SIMC1: variants seen among roughly 807,000 people sequenced by gnomAD.
The protein encoded by SIMC1 is SUMO-interacting motif-containing protein 1.
A neutral mutation model predicts 82.3 loss-of-function variants in SIMC1; 55 were observed. The ratio of observed to expected loss-of-function variants is 0.67; its 90% CI spans 0.54 to 0.84. The LOEUF is 0.84. SIMC1 is among the 40% of genes least tolerant of loss of function. The probability of loss-of-function intolerance (pLI) is 0.00; values close to 1 mark genes in which losing one functional copy is unlikely to be tolerated. For missense variants in SIMC1, 915 were observed against 1,107.2 expected, an observed-to-expected ratio of 0.83 and a Z score of 2.46; for synonymous variants, 353 against 426.3, an observed-to-expected ratio of 0.83 and a Z score of 2.12.
In SIMC1 at chr5:176,305,079, C is replaced by T. The variant is rs370611991; in HGVS notation, c.1735-8612C>T. On this transcript the variant is annotated intron_variant, in intron 4 of 9. Transcript: ENST00000429602. Reference sequence around the variant, plus strand: ...GAGCGTCTCCGCCCGGCAGCCACCCCGTCCGGGAGGGAGGTGGGGGGTCAG... The same window carrying T: ...GAGCGTCTCCGCCCGGCAGCCACCCTGTCCGGGAGGGAGGTGGGGGGTCAG... Among the ~76,000 whole-genome samples, 63 of 137,032 alleles carry T rather than the reference C, an allele frequency of 4.6e-4. No homozygotes were observed. The East Asian group carries it at 0.011, about 24-fold the overall frequency. The allele number at this position is 137,032 out of a possible 152,430, so 89.9% of individuals were successfully genotyped here. A position where few individuals can be genotyped will look rare whatever the true frequency, so the allele number is the denominator to read the frequency against.
At chr5:176,329,749 T>C (rs1425349650) in intron 7 of SIMC1, among the ~76,000 whole-genome samples, 1 of 152,220 alleles carries the variant, frequency 6.6e-6, no homozygotes, top group Admixed American at 6.5e-5. Context: ...AACGATTTTA[T>C]GTGTATTCTA....
At chr5:176,274,872 T>A (rs187348412) in intron 1 of SIMC1, among the ~76,000 whole-genome samples, 4 of 151,886 alleles carry the variant, frequency 2.6e-5, no homozygotes, top group African/African-American at 9.7e-5. Flanking sequence ...CTCTTTTGGT[T>A]ACTGTAGCCT....
rs1008372104 is a variant in SIMC1 at position 176,276,215 on chromosome 5, C to T, written c.130-13439C>T. 2.0e-4 allele frequency among the ~76,000 whole-genome samples: 30 copies of T among 151,592 alleles called. 2 individuals are homozygous for T. Among genetic ancestry groups the T allele is most frequent in the African/African-American group, 7.3e-4 (30 of 41,230 alleles). ...TTTAGTCTTAGGAGGGTGTATTTTT[C>T]AAGGAATTTATCCATTTCTTCTAGA... On this transcript the variant is annotated intron_variant, in intron 1 of 9. Transcript: ENST00000429602.
chr5:176,309,687 C>T (rs554989141), intron 4 of SIMC1, among the ~76,000 whole-genome samples: 2 of 152,302 alleles, frequency 1.3e-5, no homozygotes, highest in East Asian at 3.9e-4. Context: ...TGTAATCTCA[C>T]CACTTTGGGA....
rs540876896 is a variant in SIMC1, at chr5:176,278,924, GTC to G, written c.130-10726_130-10725del. On this transcript the variant is annotated intron_variant, in intron 1 of 9. Coordinates refer to ENST00000429602, the MANE Select transcript of SIMC1 (RefSeq NM_001308195.2). ...GTCTAAAAGTCTCTTTTTTGGTTGT[GTC>G]TCTGCCCGGCTTTGTTATCAGAATG... 5.8e-4 allele frequency among the ~76,000 whole-genome samples: 88 copies of G among 151,968 alleles called. 1 individual carries two copies. In the South Asian group the frequency reaches 0.017, roughly 30 times the overall value.
At chr5:176,291,030 C>T (rs952360559) in intron 2 of SIMC1, 75 bp downstream of exon 2, 1 of 866,606 alleles carries the variant, frequency 1.2e-6, no homozygotes, top group East Asian at 2.7e-5. Context: ...GACTGGAGTC[C>T]ATGCGTGAGA....
Position 176,244,724 on chromosome 5 carries a change from T to TC in SIMC1, c.129+6087_129+6088insC, listed in dbSNP as rs1233249799. ...AATGTTTCTTTTTTTTTTTCCTTTTTTTTTTTTTTTTTTTGAGAGGGAGTT... is the reference window on the plus strand; with the variant it reads ...AATGTTTCTTTTTTTTTTTCCTTTTTCTTTTTTTTTTTTTTGAGAGGGAGTT... On this transcript the variant is annotated intron_variant, in intron 1 of 9. Transcript: ENST00000429602. Among the ~76,000 whole-genome samples, 9 of 145,120 alleles carry TC rather than the reference T, an allele frequency of 6.2e-5. No individual in the cohort carries two copies. In the South Asian group the frequency reaches 2.0e-3, roughly 32 times the overall value.
chr5:176,304,071 A>G (rs1327100353), intron 4 of SIMC1, among the ~76,000 whole-genome samples: 1 of 152,248 alleles, frequency 6.6e-6, no homozygotes, highest in African/African-American at 2.4e-5. Context: ...ATCAAACTTC[A>G]GAACTTCTGT....
At chr5:176,246,412 GTGT>G (rs1761446243) in intron 1 of SIMC1, among the ~76,000 whole-genome samples, 5 of 124,860 alleles carry the variant, frequency 4.0e-5, no homozygotes, top group African/African-American at 1.3e-4. Flanking sequence ...TCAGGGGTGT[GTGT>G]GTGTGTGTGT....
At chr5:176,327,318 T>G (rs890575185) in intron 7 of SIMC1, among the ~76,000 whole-genome samples, 4 of 152,234 alleles carry the variant, frequency 2.6e-5, no homozygotes, top group Non-Finnish European at 4.4e-5. Flanking sequence ...TTTCTAAAGA[T>G]TAAGTATAAT....
intron 1 of SIMC1, among the ~76,000 whole-genome samples, chr5:176,246,803 C>T (rs191370679): frequency 1.1e-4 from 16 of 151,960 alleles, no homozygotes; most frequent in African/African-American, 3.6e-4. Context: ...TGTTCCCATC[C>T]CTGTGTCCAT....
chr5:176,246,766 C>A (rs540599039), intron 1 of SIMC1, among the ~76,000 whole-genome samples: 1 of 152,014 alleles, frequency 6.6e-6, no homozygotes, highest in East Asian at 1.9e-4. Context: ...CCTAGCCCCC[C>A]ACCCCCCAAC....
At chr5:176,250,446 G>T (rs983086841) in intron 1 of SIMC1, among the ~76,000 whole-genome samples, 1 of 152,168 alleles carries the variant, frequency 6.6e-6, no homozygotes, top group African/African-American at 2.4e-5. Context: ...TGTTGATTTG[G>T]GGTGGAGAGC....
chr5:176,333,231 G>A (rs991696420), intron 7 of SIMC1, among the ~76,000 whole-genome samples: 16 of 151,924 alleles, frequency 1.1e-4, no homozygotes, highest in African/African-American at 3.9e-4. Context: ...TTGAACACAG[G>A]AGGCAGAGGT....
At chr5:176,273,501 G>GA (rs869049432) in intron 1 of SIMC1, among the ~76,000 whole-genome samples, 3 of 151,830 alleles carry the variant, frequency 2.0e-5, no homozygotes, top group East Asian at 1.9e-4. Flanking sequence ...CAGAAAAGCT[G>GA]AAAAAAAAAT....
At chr5:176,281,881 C>T (rs1166001318) in intron 1 of SIMC1, among the ~76,000 whole-genome samples, 5 of 152,208 alleles carry the variant, frequency 3.3e-5, no homozygotes, top group Admixed American at 2.6e-4. Flanking sequence ...GGTCAGGGGT[C>T]AGGGACCAAC....
intron 4 of SIMC1, among the ~76,000 whole-genome samples, chr5:176,307,614 A>G (rs973995918): frequency 2.6e-5 from 4 of 152,082 alleles, no homozygotes; most frequent in Non-Finnish European, 5.9e-5. Flanking sequence ...GTTAGCCAGG[A>G]TGGTCGTGAT....
intron 9 of SIMC1, among the ~76,000 whole-genome samples, chr5:176,339,741 T>C (rs191538359): frequency 3.0e-4 from 45 of 152,292 alleles, no homozygotes; most frequent in Non-Finnish European, 5.4e-4. Flanking sequence ...CAAGAATAAA[T>C]GGGGTGTGTT....
At chr5:176,254,734 A>G (rs1301479065) in intron 1 of SIMC1, among the ~76,000 whole-genome samples, 1 of 151,584 alleles carries the variant, frequency 6.6e-6, no homozygotes, top group Non-Finnish European at 1.5e-5. Flanking sequence ...AAGCCTTGGT[A>G]ATATATATAA....
Sources: allele counts gnomAD v4.1 joint callset (sites outside exome capture counted in the v4.1 genomes callset), GRCh38; gene constraint gnomAD v4.1.1; transcripts MANE v1.5; gene names NCBI Gene and HGNC (gene_info 2026-07-23, HGNC 2026-07-21).